BAIAP2: variants seen among roughly 807,000 people sequenced by gnomAD.
BAIAP2 encodes BAR/IMD domain containing adaptor protein 2.
BAIAP2 carries 18 observed loss-of-function variants against 63.0 expected under a neutral mutation model. The observed-to-expected ratio is 0.29, with a 90% CI of 0.20 to 0.42. The LOEUF (loss-of-function observed/expected upper bound fraction) is 0.42, where lower values mean the gene tolerates loss of function less well. Among genes scored for constraint, BAIAP2 ranks in the 10% least tolerant of loss-of-function variants. BAIAP2 has a pLI of 1.00. For synonymous variants in BAIAP2, 386 were observed against 307.6 expected, an observed-to-expected ratio of 1.25 and a Z score of -2.67; for missense variants, 610 against 734.3, an observed-to-expected ratio of 0.83 and a Z score of 1.96.
chr17:81,053,250 AG>A (rs899721520), intron 1 of BAIAP2: 12 of 183,304 alleles, frequency 6.5e-5, no homozygotes, highest in East Asian at 1.7e-4. Flanking sequence ...TTTTAGTGGG[AG>A]GGGGGTGCCG....
intron 1 of BAIAP2, among the ~76,000 whole-genome samples, chr17:81,042,492 G>GC (rs1444817916): frequency 6.6e-6 from 1 of 152,016 alleles, no homozygotes; most frequent in Non-Finnish European, 1.5e-5. Context: ...CAACGGCCAG[G>GC]CCTCCTGTTC....
chr17:81,111,539 C>T (rs1285849403), intron 13 of BAIAP2, among the ~76,000 whole-genome samples: 1 of 152,242 alleles, frequency 6.6e-6, no homozygotes, highest in African/African-American at 2.4e-5. Flanking sequence ...AAGACACTGG[C>T]TCCATCCCTA....
At chr17:81,049,444 T>A (rs1008285221) in intron 1 of BAIAP2, among the ~76,000 whole-genome samples, 2 of 152,180 alleles carry the variant, frequency 1.3e-5, no homozygotes, top group African/African-American at 4.8e-5. Flanking sequence ...GGTTTCTCTC[T>A]CCTGGCCTAG....
chr17:81,063,855 A>AG (rs2051010521), intron 3 of BAIAP2: 1 of 152,312 alleles, frequency 6.6e-6, no homozygotes, highest in African/African-American at 2.4e-5. Flanking sequence ...GGAGGATGGA[A>AG]GGTGCTGTCC....
At chr17:81,112,883 C>T (rs538905920) in intron 13 of BAIAP2, among the ~76,000 whole-genome samples, 91 of 151,760 alleles carry the variant, frequency 6.0e-4, no homozygotes, top group Non-Finnish European at 1.0e-3. Flanking sequence ...AGACCCCCAT[C>T]TTGACAAAAA....
At chr17:81,106,666 C>CA (rs1405232836) in intron 11 of BAIAP2, 79 bp from the exon 12 acceptor site, 5 of 1,549,604 alleles carry the variant, frequency 3.2e-6, no homozygotes, top group Non-Finnish European at 4.4e-6. Flanking sequence ...TGAGGGCGGG[C>CA]AGTCCAGGGA....
In BAIAP2 at chr17:81,103,942, C is replaced by T. The variant is rs772657995; in HGVS notation, c.900C>T (p.Asn300=). Residue 300 remains asparagine, a synonymous_variant, in exon 9 of 14, where the codon AAC becomes AAT. Transcript: ENST00000428708. The part of the protein sequence containing the change: ...MSAQESTPIM[N]GVTGPDGEDY... ...CCCAGGAGAGCACACCCATCATGAA[C>T]GGCGTCACAGGCCCGGATGGCGAGG... 1.1e-5 allele frequency: 18 copies of T among 1,612,928 alleles called. No individual in the cohort carries two copies. The highest frequency in any genetic ancestry group is 1.0e-4 in the Admixed American group (6 of 60,014).
At chr17:81,071,156 T>C (rs2052577907) in intron 3 of BAIAP2, among the ~76,000 whole-genome samples, 2 of 152,170 alleles carry the variant, frequency 1.3e-5, no homozygotes, top group East Asian at 1.9e-4. Flanking sequence ...TTGCCTTTTT[T>C]GTAGGTGGGA....
At chr17:81,078,622 T>C (rs200925625) in intron 3 of BAIAP2, among the ~76,000 whole-genome samples, 1 of 47,192 alleles carries the variant, frequency 2.1e-5, no homozygotes, top group Middle Eastern at 0.016. Flanking sequence ...GGAGCCGGGC[T>C]CTGTGGGTGC....
At position 81,062,888 on chromosome 17, in the gene BAIAP2, T is replaced by C. The variant is rs527390697; in HGVS notation, c.217+4921T>C. Among the ~76,000 whole-genome samples, 4 of 151,978 alleles carry C rather than the reference T, an allele frequency of 2.6e-5. No homozygotes were observed. The East Asian group carries it at 7.7e-4, about 29-fold the overall frequency. ...GCTGCTGTGTTCAGGGCCACCTTGG[T>C]GCTGATTTTATGTGAGTGTTACTTC... On this transcript the variant is annotated intron_variant, in intron 3 of 13. Transcript: ENST00000428708.
chr17:81,093,117 G>A (rs944155159), intron 6 of BAIAP2, among the ~76,000 whole-genome samples: 9 of 124,840 alleles, frequency 7.2e-5, no homozygotes, highest in Middle Eastern at 3.6e-3. Flanking sequence ...GGCTGGGCTG[G>A]GCTGGGCTGG....
chr17:81,055,582 T>TTTTTTTTTTTTTTTTG (rs2049390250), intron 2 of BAIAP2, among the ~76,000 whole-genome samples: 1 of 148,784 alleles, frequency 6.7e-6, no homozygotes, highest in Non-Finnish European at 1.5e-5. Flanking sequence ...TTGTTTTTTT[T>TTTTTTTTTTTTTTTTG]TGAGACGGAG....
Position 81,068,555 on chromosome 17 carries a change from C to T in BAIAP2, c.217+10588C>T, listed in dbSNP as rs1598615361. On this transcript the variant is annotated intron_variant, in intron 3 of 13. Coordinates refer to ENST00000428708, the MANE Select transcript of BAIAP2 (RefSeq NM_001144888.2). ...CCCTGACCCCAGGATCAGTGTGAAACAAAGCCCACGACCCAAGGACCCCGC... is the reference window on the plus strand; with the variant it reads ...CCCTGACCCCAGGATCAGTGTGAAATAAAGCCCACGACCCAAGGACCCCGC... 2.0e-5 allele frequency among the ~76,000 whole-genome samples: 3 copies of T among 152,216 alleles called. No homozygotes were observed. The East Asian group carries it at 5.8e-4, about 29-fold the overall frequency.
At position 81,116,261 on chromosome 17, in the gene BAIAP2, C is replaced by G. The variant is rs149637388; in HGVS notation, c.*422C>G. 1.9e-6 allele frequency: 3 copies of G among 1,612,722 alleles called. No individual in the cohort carries two copies. The highest frequency in any genetic ancestry group is 2.5e-6 in the Non-Finnish European group (3 of 1,179,948). On this transcript the variant is annotated 3_prime_UTR_variant, in exon 14 of 14. Transcript: ENST00000428708. Reference sequence around the variant, plus strand: ...TCTGTCCGCCCAAGGGCCAGAAGGCCGGGAGCACGGGGATGGGAGCGCCCG... The same window carrying G: ...TCTGTCCGCCCAAGGGCCAGAAGGCGGGGAGCACGGGGATGGGAGCGCCCG...
At chr17:81,068,027 C>T (rs1031947236) in intron 3 of BAIAP2, among the ~76,000 whole-genome samples, 4 of 152,242 alleles carry the variant, frequency 2.6e-5, no homozygotes, top group African/African-American at 7.2e-5. Flanking sequence ...GCACAGGTGC[C>T]GGCTCAGGAG....
At position 81,057,969 on chromosome 17, in the gene BAIAP2, T is replaced by TGCGGGGG; in HGVS notation, c.217+3_217+4insCGGGGGG. On this transcript the variant is annotated splice_region_variant and intron_variant, in intron 3 of 13. Transcript: ENST00000428708. Reference sequence around the variant, plus strand: ...AGAGCCAGGGCTCCAAAGAACTCGGTGAGACCCCCCCCCCCCCCCCGCCTG... The same window carrying TGCGGGGG: ...AGAGCCAGGGCTCCAAAGAACTCGGTGCGGGGGGAGACCCCCCCCCCCCCCCCGCCTG... 1.0e-6 allele frequency: 1 copy of TGCGGGGG among 964,848 alleles called. No homozygotes were observed. Among genetic ancestry groups the TGCGGGGG allele is most frequent in the Non-Finnish European group, 1.4e-6 (1 of 713,570 alleles). 59.8% of individuals were successfully genotyped at this position (964,848 alleles called of 1,614,324 possible).
At chr17:81,038,918 C>T (rs4969356) in intron 1 of BAIAP2, among the ~76,000 whole-genome samples, 8,755 of 152,128 alleles carry the variant, frequency 0.058, 375 homozygotes, top group Admixed American at 0.12. Flanking sequence ...GCAGCAGACC[C>T]GGCACCTGAG....
chr17:81,035,569 A>G (rs1287303843), intron 1 of BAIAP2, among the ~76,000 whole-genome samples: 3 of 149,656 alleles, frequency 2.0e-5, no homozygotes, highest in Non-Finnish European at 4.5e-5. Context: ...CCCCAGCCCC[A>G]GGCCCGGGGA....
intron 3 of BAIAP2, among the ~76,000 whole-genome samples, chr17:81,084,081 C>A (rs1178878152): frequency 6.6e-6 from 1 of 152,176 alleles, no homozygotes; most frequent in Non-Finnish European, 1.5e-5. Context: ...CCTGTGCCGC[C>A]ACGATTTTGA....
Sources: gnomAD v4.1 joint callset for allele counts (sites outside exome capture counted in the v4.1 genomes callset) on GRCh38, gnomAD v4.1.1 for gene constraint, MANE v1.5 for transcripts, NCBI Gene and HGNC (gene_info 2026-07-23, HGNC 2026-07-21) for gene names.